SLC24A3: variants seen among roughly 807,000 people sequenced by gnomAD.
SLC24A3 encodes the protein solute carrier family 24 member 3.
Under a neutral mutation model 75.8 loss-of-function variants are expected in SLC24A3, and 28 were observed. The observed-to-expected ratio is 0.37, with a 90% CI of 0.27 to 0.51. The LOEUF (loss-of-function observed/expected upper bound fraction) is 0.51, where lower values mean the gene tolerates loss of function less well. Ranked by LOEUF, SLC24A3 falls within the 20% of genes least tolerant of loss-of-function variation. SLC24A3 has a pLI of 0.94. For missense variants in SLC24A3, 663 were observed against 847.8 expected (o/e 0.78, Z 2.71); for synonymous variants, 372 against 334.1 (o/e 1.11, Z -1.24).
chr20:19,488,028 C>T (rs1437761784), intron 2 of SLC24A3, among the ~76,000 whole-genome samples: 1 of 152,150 alleles, frequency 6.6e-6, no homozygotes, highest in Admixed American at 6.5e-5. Flanking sequence ...TTGATGTTAC[C>T]ACATCCCAAA....
At chr20:19,604,088 G>A (rs1348298965) in intron 6 of SLC24A3, among the ~76,000 whole-genome samples, 2 of 152,182 alleles carry the variant, frequency 1.3e-5, no homozygotes, top group African/African-American at 2.4e-5. Context: ...GGATATGATG[G>A]TGACCAAGAC....
chr20:19,670,824 C>T (rs2032456950), intron 8 of SLC24A3, among the ~76,000 whole-genome samples: 1 of 152,142 alleles, frequency 6.6e-6, no homozygotes, highest in Admixed American at 6.5e-5. Flanking sequence ...GTGTCACCTG[C>T]ACAGATGAGC....
At chr20:19,384,518 T>C (rs895926859) in intron 2 of SLC24A3, among the ~76,000 whole-genome samples, 1 of 152,242 alleles carries the variant, frequency 6.6e-6, no homozygotes, top group African/African-American at 2.4e-5. Context: ...CCTTCTTTTT[T>C]AAGGCTGAAT....
At chr20:19,660,282 C>T (rs2032311973) in intron 7 of SLC24A3, among the ~76,000 whole-genome samples, 1 of 151,960 alleles carries the variant, frequency 6.6e-6, no homozygotes, top group East Asian at 1.9e-4. Context: ...TCCCTTGCCC[C>T]TCCTCCCACC....
chr20:19,430,452 A>C (rs1987081294), intron 2 of SLC24A3, among the ~76,000 whole-genome samples: 1 of 152,082 alleles, frequency 6.6e-6, no homozygotes, highest in African/African-American at 2.4e-5. Context: ...GAGGAAAAGG[A>C]GGGAAAGGAC....
intron 3 of SLC24A3, among the ~76,000 whole-genome samples, chr20:19,556,068 G>A (rs2030778924): frequency 6.6e-6 from 1 of 152,100 alleles, no homozygotes; most frequent in African/African-American, 2.4e-5. Context: ...TGGTGGAAGG[G>A]GCAAGGCAGC....
chr20:19,638,649 G>A (rs1280485902), intron 6 of SLC24A3, among the ~76,000 whole-genome samples: 2 of 152,148 alleles, frequency 1.3e-5, no homozygotes, highest in African/African-American at 2.4e-5. Context: ...TTGAGAGGGT[G>A]CTATTATTAT....
intron 6 of SLC24A3, among the ~76,000 whole-genome samples, chr20:19,591,218 A>C (rs1433145591): frequency 4.6e-5 from 7 of 152,080 alleles, no homozygotes; most frequent in Non-Finnish European, 1.0e-4. Flanking sequence ...CTGGGCTCAC[A>C]AAACGTGTGT....
chr20:19,639,626 A>C (rs2032047663), intron 6 of SLC24A3, among the ~76,000 whole-genome samples: 1 of 152,234 alleles, frequency 6.6e-6, no homozygotes, highest in Non-Finnish European at 1.5e-5. Context: ...CGCGCTGTGC[A>C]GCCGCACTCC....
At chr20:19,582,279 T>C (rs1010255927) in intron 4 of SLC24A3, among the ~76,000 whole-genome samples, 2 of 152,344 alleles carry the variant, frequency 1.3e-5, no homozygotes, top group Admixed American at 1.3e-4. Context: ...TAATCACCTT[T>C]TAATGATTCG....
At chr20:19,706,959 G>A (rs1281931742) in intron 15 of SLC24A3, among the ~76,000 whole-genome samples, 3 of 152,174 alleles carry the variant, frequency 2.0e-5, no homozygotes, top group African/African-American at 7.2e-5. Context: ...TGACAAGTGT[G>A]TGGCTGCTCT....
intron 2 of SLC24A3, among the ~76,000 whole-genome samples, chr20:19,303,641 G>T (rs1161963075): frequency 6.6e-6 from 1 of 152,192 alleles, no homozygotes; most frequent in African/African-American, 2.4e-5. Flanking sequence ...TCAGGAAAGG[G>T]AGTGAATTGA....
intron 2 of SLC24A3, among the ~76,000 whole-genome samples, chr20:19,420,572 C>T (rs1046992145): frequency 1.5e-5 from 2 of 130,726 alleles, no homozygotes; most frequent in East Asian, 5.8e-4. Flanking sequence ...GAATCAATAT[C>T]GTGAAAATGG....
intron 2 of SLC24A3, among the ~76,000 whole-genome samples, chr20:19,427,463 T>G (rs1482619130): frequency 2.0e-5 from 3 of 152,244 alleles, no homozygotes; most frequent in Non-Finnish European, 2.9e-5. Context: ...ATGTAAATAC[T>G]GTTTAGAAAG....
intron 9 of SLC24A3, among the ~76,000 whole-genome samples, chr20:19,678,291 G>C (rs2032553459): frequency 7.2e-6 from 1 of 139,422 alleles, no homozygotes; most frequent in South Asian, 2.2e-4. Context: ...CGGCCGGGCA[G>C]AGGCACCCCT....
intron 2 of SLC24A3, among the ~76,000 whole-genome samples, chr20:19,365,714 G>T (rs2122348353): frequency 6.6e-6 from 1 of 152,234 alleles, no homozygotes; most frequent in South Asian, 2.1e-4. Flanking sequence ...CAATGGCTAT[G>T]ACTGTTGTCT....
chr20:19,487,605 C>T (rs1988147993), intron 2 of SLC24A3, among the ~76,000 whole-genome samples: 2 of 152,184 alleles, frequency 1.3e-5, no homozygotes. Flanking sequence ...CTCTGAAGAA[C>T]TGAATCCCAG....
At chr20:19,482,424 T>C (rs1442580925) in intron 2 of SLC24A3, among the ~76,000 whole-genome samples, 2 of 152,188 alleles carry the variant, frequency 1.3e-5, no homozygotes, top group Admixed American at 6.5e-5. Context: ...CCCTCTGCCA[T>C]GTAGGCCAAG....
At position 19,585,017 on chromosome 20, in the gene SLC24A3, C is replaced by T. The variant is rs771086842; in HGVS notation, c.470C>T (p.Ala157Val). The change falls in exon 5 of 17, where the codon GCG becomes GTG. Residue 157 changes from alanine (A) to valine (V), a missense_variant. Transcript: ENST00000328041. ...EDVAGATFMAAGSSAPELFTS... is the reference protein window; with the variant it reads ...EDVAGATFMAVGSSAPELFTS... ...GTGGCTGGGGCCACATTCATGGCAGCGGGAAGTTCGGCCCCAGAGCTGTTC... is the reference window on the plus strand; with the variant it reads ...GTGGCTGGGGCCACATTCATGGCAGTGGGAAGTTCGGCCCCAGAGCTGTTC... 20 of 1,613,712 alleles carry T rather than the reference C, an allele frequency of 1.2e-5. No individual in the cohort carries two copies. Among genetic ancestry groups the T allele is most frequent in the African/African-American group, 5.3e-5 (4 of 74,884 alleles).
Sources: allele counts gnomAD v4.1 joint callset (sites outside exome capture counted in the v4.1 genomes callset), GRCh38; gene constraint gnomAD v4.1.1; transcripts MANE v1.5; gene names NCBI Gene and HGNC (gene_info 2026-07-23, HGNC 2026-07-21).